Variants in CUL1 observed in about 807,000 individuals in gnomAD.
CUL1 encodes the protein cullin 1.
Under a neutral mutation model 118.0 loss-of-function variants are expected in CUL1, and 24 were observed. The observed-to-expected ratio is 0.20, with a 90% CI of 0.15 to 0.29. The LOEUF is 0.29. Among genes scored for constraint, CUL1 ranks in the 10% least tolerant of loss-of-function variants. CUL1 has a pLI of 1.00. For missense variants in CUL1, 361 were observed against 933.8 expected (o/e 0.39, Z 7.99); for synonymous variants, 332 against 340.4 (o/e 0.98, Z 0.27).
chr7:148,737,212 A>G (rs899993064), intron 2 of CUL1, among the ~76,000 whole-genome samples: 2 of 150,402 alleles, frequency 1.3e-5, no homozygotes, highest in Admixed American at 6.6e-5. Context: ...TTGGTGGGGT[A>G]GGCGGTTAGT....
At chr7:148,743,977 T>C (rs1393824197) in intron 2 of CUL1, among the ~76,000 whole-genome samples, 1 of 152,194 alleles carries the variant, frequency 6.6e-6, no homozygotes, top group Non-Finnish European at 1.5e-5. Flanking sequence ...CAAAAATACA[T>C]TTGCGAATAT....
At position 148,725,219 on chromosome 7, in the gene CUL1, G is replaced by GCGCGCACA; in HGVS notation, c.-161-4742_-161-4741insGCGCACAC. 1.6e-3 allele frequency among the ~76,000 whole-genome samples: 226 copies of GCGCGCACA among 140,142 alleles called. 2 individuals carry two copies. Among genetic ancestry groups the GCGCGCACA allele is most frequent in the Admixed American group, 6.5e-3 (92 of 14,188 alleles). The allele number at this position is 140,142 out of a possible 152,430, so 91.9% of individuals were successfully genotyped here. A position where few individuals can be genotyped will look rare whatever the true frequency, so the allele number is the denominator to read the frequency against. On this transcript the variant is annotated intron_variant, in intron 1 of 21. Coordinates refer to ENST00000325222, the MANE Select transcript of CUL1 (RefSeq NM_003592.3). Reference sequence around the variant, plus strand: ...CGTGTACACACACACACACGCGCGCGCTCACACACACACACACACACACAC... The same window carrying GCGCGCACA: ...CGTGTACACACACACACACGCGCGCGCGCGCACACTCACACACACACACACACACACAC...
intron 17 of CUL1, among the ~76,000 whole-genome samples, chr7:148,797,487 G>A (rs149080540): frequency 2.0e-5 from 3 of 151,272 alleles, no homozygotes; most frequent in African/African-American, 7.3e-5. Context: ...GCAGTATTCC[G>A]AAATCCAAAC....
chr7:148,793,327 A>G (rs1372206379), intron 17 of CUL1, among the ~76,000 whole-genome samples: 1 of 152,208 alleles, frequency 6.6e-6, no homozygotes, highest in Non-Finnish European at 1.5e-5. Flanking sequence ...AAAATTTGAC[A>G]TAACATAAAA....
chr7:148,729,914 T>G (rs1798701758), intron 1 of CUL1, 48 bp from the exon 2 acceptor site: 1 of 547,900 alleles, frequency 1.8e-6, no homozygotes, highest in African/African-American at 1.9e-5. Context: ...CTCACCTTAT[T>G]ACAGTACCCC....
At chr7:148,766,365 A>T (rs1444567505) in intron 7 of CUL1, among the ~76,000 whole-genome samples, 196 bp from the exon 8 acceptor site, 2 of 152,078 alleles carry the variant, frequency 1.3e-5, no homozygotes, top group African/African-American at 4.8e-5. Flanking sequence ...GCCTCGAGCA[A>T]TCCTCCTGCT....
chr7:148,771,037 C>G (rs1800191901), intron 9 of CUL1, among the ~76,000 whole-genome samples: 1 of 152,106 alleles, frequency 6.6e-6, no homozygotes, highest in South Asian at 2.1e-4. Flanking sequence ...GTACGAGAAT[C>G]ATTTATAATT....
intron 3 of CUL1, among the ~76,000 whole-genome samples, chr7:148,756,561 T>C (rs1312441704): frequency 6.6e-6 from 1 of 152,180 alleles, no homozygotes; most frequent in Non-Finnish European, 1.5e-5. Flanking sequence ...GGTCTTGAAC[T>C]CCTGACCTCA....
chr7:148,768,277 T>C (rs1052069110), intron 9 of CUL1, among the ~76,000 whole-genome samples: 2 of 152,148 alleles, frequency 1.3e-5, no homozygotes, highest in African/African-American at 2.4e-5. Flanking sequence ...TAATTTCACA[T>C]TGGAAATAAT....
At chr7:148,771,738 G>A (rs1167208564) in intron 9 of CUL1, among the ~76,000 whole-genome samples, 1 of 152,198 alleles carries the variant, frequency 6.6e-6, no homozygotes, top group Non-Finnish European at 1.5e-5. Flanking sequence ...AGCTGAGCAA[G>A]GGATAGGAGA....
intron 9 of CUL1, among the ~76,000 whole-genome samples, chr7:148,776,524 C>CT: frequency 6.6e-6 from 1 of 151,790 alleles, no homozygotes. Context: ...ACTATGTTGG[C>CT]TAGGCAGGTC....
intron 1 of CUL1, among the ~76,000 whole-genome samples, chr7:148,699,755 C>T (rs1053543352): frequency 6.6e-6 from 1 of 152,098 alleles, no homozygotes; most frequent in Non-Finnish European, 1.5e-5. Context: ...GACAGAGCCC[C>T]CCGGCGCCCG....
intron 1 of CUL1, among the ~76,000 whole-genome samples, chr7:148,704,665 A>T (rs924314974): frequency 7.9e-5 from 12 of 152,242 alleles, no homozygotes; most frequent in Non-Finnish European, 1.3e-4. Context: ...TAATGATAAA[A>T]TGCAACATAA....
At chr7:148,781,291 C>G (rs1304207175) in intron 9 of CUL1, among the ~76,000 whole-genome samples, 1 of 151,978 alleles carries the variant, frequency 6.6e-6, no homozygotes, top group East Asian at 1.9e-4. Context: ...CCATGTTGGC[C>G]AGGCTGGTCT....
At chr7:148,755,653 G>T (rs1799630958) in intron 3 of CUL1, among the ~76,000 whole-genome samples, 1 of 152,034 alleles carries the variant, frequency 6.6e-6, no homozygotes, top group Non-Finnish European at 1.5e-5. Flanking sequence ...ACAGTATATT[G>T]TGCTAAGTAA....
intron 1 of CUL1, among the ~76,000 whole-genome samples, chr7:148,700,137 G>A (rs1293064792): frequency 6.6e-6 from 1 of 152,184 alleles, no homozygotes; most frequent in African/African-American, 2.4e-5. Context: ...AGTGGTAAGT[G>A]CGCAAATACT....
intron 17 of CUL1, among the ~76,000 whole-genome samples, chr7:148,795,467 A>G (rs1350126684): frequency 1.3e-5 from 2 of 152,128 alleles, no homozygotes; most frequent in East Asian, 3.9e-4. Flanking sequence ...GCTAATGTAT[A>G]GAAGTACAAC....
At chr7:148,799,171 C>CTACACGAACG in intron 20 of CUL1, 104 bp from the exon 21 acceptor site, 1 of 754,048 alleles carries the variant, frequency 1.3e-6, no homozygotes, top group Non-Finnish European at 2.2e-6. Flanking sequence ...AAATTGTGAT[C>CTACACGAACG]CTGTGCATAG....
At chr7:148,783,202 C>T in intron 9 of CUL1, 2 of 319,290 alleles carry the variant, frequency 6.3e-6, no homozygotes, top group Non-Finnish European at 9.0e-6. Flanking sequence ...CCATGTTGTT[C>T]CTTGTTCCGG....
Sources: allele counts gnomAD v4.1 joint callset (sites outside exome capture counted in the v4.1 genomes callset), GRCh38; gene constraint gnomAD v4.1.1; transcripts MANE v1.5; gene names NCBI Gene and HGNC (gene_info 2026-07-23, HGNC 2026-07-21).